RETREG2: variants seen among roughly 807,000 people sequenced by gnomAD.
RETREG2 encodes the protein reticulophagy regulator 2.
Under a neutral mutation model 51.6 loss-of-function variants are expected in RETREG2, and 21 were observed. The ratio of observed to expected loss-of-function variants is 0.41; its 90% confidence interval spans 0.29 to 0.59. The LOEUF is 0.59. Ranked by LOEUF, RETREG2 falls within the 20% of genes least tolerant of loss-of-function variation. The pLI is 0.34. For missense variants in RETREG2, 674 were observed against 646.0 expected, an observed-to-expected ratio of 1.04 and a Z score of -0.47; for synonymous variants, 339 against 288.6, an observed-to-expected ratio of 1.17 and a Z score of -1.77.
In RETREG2 at chr2:219,182,254, A is replaced by T. The variant is rs1398840677; in HGVS notation, c.1257A>T (p.Pro419=). The T allele has an allele frequency of 6.2e-7, 1 of 1,613,886 alleles. No homozygotes were observed. Among genetic ancestry groups the T allele is most frequent in the African/African-American group, 1.3e-5 (1 of 74,908 alleles). ...NTHFNGAGSP[P]DGVKCSPGGP... is the part of the protein sequence containing the mutation. Reference sequence around the variant, plus strand: ...ACTTCAATGGGGCAGGGTCCCCCCCAGATGGAGTGAAATGCTCCCCTGGAG... The same window carrying T: ...ACTTCAATGGGGCAGGGTCCCCCCCTGATGGAGTGAAATGCTCCCCTGGAG... Residue 419 remains proline (P), a synonymous_variant, in exon 9 of 9, where the codon CCA becomes CCT. Coordinates refer to ENST00000430297, the MANE Select transcript of RETREG2 (RefSeq NM_024293.6).
intron 2 of RETREG2, 21 bp from the exon 3 acceptor site, chr2:219,179,712 G>T (rs1950248386): frequency 1.2e-5 from 19 of 1,613,304 alleles, no homozygotes; most frequent in Non-Finnish European, 1.5e-5. Context: ...TCAATAATTT[G>T]CCCCCCTCCT....
intron 3 of RETREG2, 23 bp from the exon 4 acceptor site, chr2:219,180,087 G>C: frequency 6.2e-7 from 1 of 1,613,516 alleles, no homozygotes; most frequent in Non-Finnish European, 8.5e-7. Flanking sequence ...GAGGCCTCCA[G>C]GGGTCATGTC....
chr2:219,182,159 G>C lies in RETREG2; in HGVS notation c.1162G>C (p.Glu388Gln). The C allele has an allele frequency of 5.6e-6, 9 of 1,614,170 alleles. No homozygotes were observed. The highest frequency in any genetic ancestry group is 7.6e-6 in the Non-Finnish European group (9 of 1,180,022). ...AAGGCAAGCCCTGGACTCGGAGGAA[G>C]AGGAAGAGGATGTGGCAGCTAAGGA... ...LSRQALDSEEEEEDVAAKETL... is the reference protein window; with the variant it reads ...LSRQALDSEEQEEDVAAKETL... Residue 388 changes from glutamate (E) to glutamine (Q), a missense_variant, in exon 9 of 9, where the codon GAG becomes CAG. Transcript: ENST00000430297.
At position 219,179,723 on chromosome 2, in the gene RETREG2, C is replaced by T; in HGVS notation, c.389-10C>T. On this transcript the variant is annotated splice_polypyrimidine_tract_variant and intron_variant, in intron 2 of 8. Coordinates refer to ENST00000430297, the MANE Select transcript of RETREG2 (RefSeq NM_024293.6). Reference sequence around the variant, plus strand: ...CCACTCAATAATTTGCCCCCCTCCTCTCTCTCTAGCATCATCCCCAGAGGA... The same window carrying T: ...CCACTCAATAATTTGCCCCCCTCCTTTCTCTCTAGCATCATCCCCAGAGGA... The T allele has an allele frequency of 6.2e-7, 1 of 1,614,022 alleles. No individual in the cohort carries two copies. The highest frequency in any genetic ancestry group is 8.5e-7 in the Non-Finnish European group (1 of 1,179,906).
Position 219,184,774 on chromosome 2 carries a change from A to T in RETREG2, c.*2145A>T, listed in dbSNP as rs1322487357. 6.8e-6 allele frequency: 1 copy of T among 147,766 alleles called. No homozygotes were observed. The highest frequency in any genetic ancestry group is 1.5e-5 in the Non-Finnish European group (1 of 66,792). The allele number at this position is 147,766 out of a possible 1,614,324, so 9.2% of individuals were successfully genotyped here. Reference sequence around the variant, plus strand: ...ATATTCTCCATAGGCCTGGAGTTTCATGAGGGTCTATTCTTTTGTTGTTGT... The same window carrying T: ...ATATTCTCCATAGGCCTGGAGTTTCTTGAGGGTCTATTCTTTTGTTGTTGT... On this transcript the variant is annotated 3_prime_UTR_variant, in exon 9 of 9. Coordinates refer to ENST00000430297, the MANE Select transcript of RETREG2 (RefSeq NM_024293.6).
At position 219,178,324 on chromosome 2, in the gene RETREG2, C is replaced by T. The variant is rs925111340; in HGVS notation, c.-29C>T. 1.0e-5 allele frequency: 4 copies of T among 396,486 alleles called. No individual in the cohort carries two copies. Among genetic ancestry groups the T allele is most frequent in the Non-Finnish European group, 1.8e-5 (4 of 224,704 alleles). The allele number at this position is 396,486 out of a possible 1,614,324, so 24.6% of individuals were successfully genotyped here. On this transcript the variant is annotated 5_prime_UTR_variant, in exon 1 of 9. Transcript: ENST00000430297. ...GCGGCCGCGCAGCCCTGGCTCCTCG[C>T]GGGCTCGGGCGGCGGCTGCGGCGGG...
Position 219,183,956 on chromosome 2 carries a change from C to G in RETREG2, c.*1327C>G, listed in dbSNP as rs567000638. The G allele has an allele frequency of 6.6e-6, 1 of 152,330 alleles. No homozygotes were observed. Among genetic ancestry groups the G allele is most frequent in the African/African-American group, 2.4e-5 (1 of 41,570 alleles). The allele number at this position is 152,330 out of a possible 1,614,324, so 9.4% of individuals were successfully genotyped here. A position where few individuals can be genotyped will look rare whatever the true frequency, so the allele number is the denominator to read the frequency against. ...GAACACTGAAGAAATAGTATCTTAA[C>G]AGTTACTGAGTCCATTGTATGTGCT... On this transcript the variant is annotated 3_prime_UTR_variant, in exon 9 of 9. Coordinates refer to ENST00000430297, the MANE Select transcript of RETREG2 (RefSeq NM_024293.6).
At position 219,184,902 on chromosome 2, in the gene RETREG2, C is replaced by T. The variant is rs1950330502; in HGVS notation, c.*2273C>T. ...AGTGCAATGGTGCAGTCTTGGTTCA[C>T]TGCAACCTCTGCCTCCCAGGTTCAA... On this transcript the variant is annotated 3_prime_UTR_variant, in exon 9 of 9. Transcript: ENST00000430297. The T allele has an allele frequency of 7.2e-6, 1 of 138,692 alleles. No individual in the cohort carries two copies. The highest frequency in any genetic ancestry group is 1.5e-5 in the Non-Finnish European group (1 of 65,634). 8.6% of individuals were successfully genotyped at this position (138,692 alleles called of 1,614,324 possible).
chr2:219,180,353 A>G lies in RETREG2; in HGVS notation c.555+108A>G, dbSNP rs1950260986. The G allele has an allele frequency of 2.7e-6, 4 of 1,468,066 alleles. No individual in the cohort carries two copies. In the South Asian group the frequency reaches 4.9e-5, roughly 18 times the overall value. The allele number at this position is 1,468,066 out of a possible 1,614,324, so 90.9% of individuals were successfully genotyped here. On this transcript the variant is annotated intron_variant, in intron 4 of 8. Coordinates refer to ENST00000430297, the MANE Select transcript of RETREG2 (RefSeq NM_024293.6). Reference sequence around the variant, plus strand: ...CTCCCCGCTTGGAGACCCTGAAAGAAGAGGCCTGGGCGCCTTCTTGAGGCA... The same window carrying G: ...CTCCCCGCTTGGAGACCCTGAAAGAGGAGGCCTGGGCGCCTTCTTGAGGCA...
Position 219,182,458 on chromosome 2 carries a change from C to CA in RETREG2, c.1462dup (p.Thr488AsnfsTer3). On this transcript the variant is annotated frameshift_variant, in exon 9 of 9. Transcript: ENST00000430297. LOFTEE classifies it high-confidence loss of function. Reference sequence around the variant, plus strand: ...CTGCCCCTGAGGAAGAAGAGGCACTCACCACTGAGGACTTTGAGTTGCTGG... The same window carrying CA: ...CTGCCCCTGAGGAAGAAGAGGCACTCAACCACTGAGGACTTTGAGTTGCTGG... 1 of 1,613,984 alleles carries CA rather than the reference C, an allele frequency of 6.2e-7. No individual in the cohort carries two copies. Among genetic ancestry groups the CA allele is most frequent in the Non-Finnish European group, 8.5e-7 (1 of 1,179,974 alleles).
rs369470574 is a variant in RETREG2 at position 219,182,435 on chromosome 2, G to T, written c.1438G>T (p.Ala480Ser). ...VPQDSPQPLP[A>S]PEEEEALTTE... ...CCAGGACTCACCCCAGCCCCTGCCT[G>T]CCCCTGAGGAAGAAGAGGCACTCAC... is the stretch of plus-strand genomic sequence containing the variant. Residue 480 changes from alanine to serine, a missense_variant, in exon 9 of 9, where the codon GCC becomes TCC. Physicochemically the swap from Ala to Ser is moderately conservative, Grantham distance 99. Coordinates refer to ENST00000430297, the MANE Select transcript of RETREG2 (RefSeq NM_024293.6). 66 of 1,613,860 alleles carry T rather than the reference G, an allele frequency of 4.1e-5. No homozygotes were observed. Among genetic ancestry groups the T allele is most frequent in the Non-Finnish European group, 5.3e-5 (62 of 1,179,992 alleles).
chr2:219,179,082 T>C, intron 2 of RETREG2, 54 bp downstream of exon 2: 2 of 1,338,410 alleles, frequency 1.5e-6, no homozygotes, highest in Non-Finnish European at 2.1e-6. Context: ...TGGTGCCTGA[T>C]TCCGCTGGGT....
intron 2 of RETREG2, 35 bp downstream of exon 2, chr2:219,179,063 G>GT: frequency 6.7e-7 from 1 of 1,485,416 alleles, no homozygotes; most frequent in Non-Finnish European, 9.4e-7. Context: ...CACCCATTGG[G>GT]TACTTGCTTG....
intron 2 of RETREG2, among the ~76,000 whole-genome samples, chr2:219,179,520 TTGGGAGATAAG>T (rs1950245508): frequency 6.6e-6 from 1 of 152,200 alleles, no homozygotes; most frequent in Non-Finnish European, 1.5e-5. Flanking sequence ...TGTGAGTTGC[TTGGGAGATAAG>T]CATGAGTAAA....
chr2:219,182,809 C>T lies in RETREG2; in HGVS notation c.*180C>T. 5 of 666,500 alleles carry T rather than the reference C, an allele frequency of 7.5e-6. No individual in the cohort carries two copies. The South Asian group carries it at 7.7e-5, about 10-fold the overall frequency. The allele number at this position is 666,500 out of a possible 1,614,324, so 41.3% of individuals were successfully genotyped here. A position where few individuals can be genotyped will look rare whatever the true frequency, so the allele number is the denominator to read the frequency against. ...TGCTGTCCTGGGCATGGTGCAGTAC[C>T]TGTGCCTAGGATTGGTTTTAAATTT... On this transcript the variant is annotated 3_prime_UTR_variant, in exon 9 of 9. Coordinates refer to ENST00000430297, the MANE Select transcript of RETREG2 (RefSeq NM_024293.6).
chr2:219,179,679 G>T, intron 2 of RETREG2, 54 bp from the exon 3 acceptor site: 1 of 1,560,490 alleles, frequency 6.4e-7, no homozygotes, highest in Non-Finnish European at 8.8e-7. Flanking sequence ...GCCTTGGGGA[G>T]TGTCTCCCAG....
In RETREG2 at chr2:219,182,576, A is replaced by C. The variant is rs745377463; in HGVS notation, c.1579A>C (p.Ile527Leu). ...PPDAPPLGPD[I>L]HSLVQSDQEA... is the part of the protein sequence containing the mutation. Reference sequence around the variant, plus strand: ...TGATGCTCCACCCCTGGGGCCCGACATCCATTCTCTGGTACAGTCAGACCA... The same window carrying C: ...TGATGCTCCACCCCTGGGGCCCGACCTCCATTCTCTGGTACAGTCAGACCA... Residue 527 changes from isoleucine to leucine, a missense_variant, in exon 9 of 9, where the codon ATC becomes CTC. Coordinates refer to ENST00000430297, the MANE Select transcript of RETREG2 (RefSeq NM_024293.6). 1 of 1,614,172 alleles carries C rather than the reference A, an allele frequency of 6.2e-7. No individual in the cohort carries two copies. The highest frequency in any genetic ancestry group is 8.5e-7 in the Non-Finnish European group (1 of 1,180,034).
intron 2 of RETREG2, among the ~76,000 whole-genome samples, chr2:219,179,460 G>A (rs143759608): frequency 8.2e-4 from 125 of 152,324 alleles, no homozygotes; most frequent in Non-Finnish European, 1.5e-3. Context: ...GAACGTCAGT[G>A]TTGTTTTTCT....
chr2:219,181,942 T>C, intron 8 of RETREG2, 71 bp from the exon 9 acceptor site: 2 of 1,580,838 alleles, frequency 1.3e-6, no homozygotes, highest in Non-Finnish European at 1.7e-6. Flanking sequence ...TTCTCATCCT[T>C]GAACTCATTG....
Sources: allele counts gnomAD v4.1 joint callset (sites outside exome capture counted in the v4.1 genomes callset), GRCh38; gene constraint gnomAD v4.1.1; transcripts MANE v1.5; gene names NCBI Gene and HGNC (gene_info 2026-07-23, HGNC 2026-07-21).